KCNQ1OT1: variants seen among roughly 807,000 people sequenced by gnomAD.
KCNQ1OT1 encodes KCNQ1 opposite strand/antisense transcript 1.
At position 2,695,966 on chromosome 11, in the gene KCNQ1OT1, T is replaced by G. The variant is rs983323870; in HGVS notation, n.4029A>C. On this transcript the variant is annotated non_coding_transcript_exon_variant, in exon 1 of 1. Transcript: ENST00000597346. The surrounding 1 kb of genome is among the most constrained non-coding windows in gnomAD (Gnocchi z 5.2). Reference sequence around the variant, plus strand: ...GTTGTTCCCTCCTCAGCTTTAATTGTTTCAAATATCTTGTAATGAGTCATG... The same window carrying G: ...GTTGTTCCCTCCTCAGCTTTAATTGGTTCAAATATCTTGTAATGAGTCATG... The G allele has an allele frequency of 2.5e-6, 1 of 398,664 alleles. No homozygotes were observed. The highest frequency in any genetic ancestry group is 4.4e-6 in the Non-Finnish European group (1 of 226,072). The allele number at this position is 398,664 out of a possible 1,614,324, so 24.7% of individuals were successfully genotyped here. A position where few individuals can be genotyped will look rare whatever the true frequency, so the allele number is the denominator to read the frequency against.
rs1849885605 is a variant in KCNQ1OT1, at chr11:2,658,157, C to T, written n.41838G>A. ...TAAAACTACCACAGCAATTAAAATA[C>T]ATTTCAAGGAAGAAACTGTGAAGTT... is the stretch of plus-strand genomic sequence containing the variant. On this transcript the variant is annotated non_coding_transcript_exon_variant, in exon 1 of 1. Coordinates refer to ENST00000597346, the Ensembl canonical transcript of KCNQ1OT1. This position sits in a 1 kb window ranked among gnomAD's most constrained non-coding sequence, Gnocchi z 4.9. 4 of 398,468 alleles carry T rather than the reference C, an allele frequency of 1.0e-5. No homozygotes were observed. Among genetic ancestry groups the T allele is most frequent in the Non-Finnish European group, 1.8e-5 (4 of 226,044 alleles). The allele number at this position is 398,468 out of a possible 1,614,324, so 24.7% of individuals were successfully genotyped here.
Position 2,626,843 on chromosome 11 carries a change from A to C in KCNQ1OT1, n.73152T>G. 1 of 398,580 alleles carries C rather than the reference A, an allele frequency of 2.5e-6. No homozygotes were observed. Among genetic ancestry groups the C allele is most frequent in the Non-Finnish European group, 4.4e-6 (1 of 226,048 alleles). The allele number at this position is 398,580 out of a possible 1,614,324, so 24.7% of individuals were successfully genotyped here. A position where few individuals can be genotyped will look rare whatever the true frequency, so the allele number is the denominator to read the frequency against. ...GTACCTGGCCTGTAGTAAGTTTTCA[A>C]ATCAGAAAGTGTGAGTCCTCCAATG... On this transcript the variant is annotated non_coding_transcript_exon_variant, in exon 1 of 1. Coordinates refer to ENST00000597346, the Ensembl canonical transcript of KCNQ1OT1. The surrounding 1 kb of genome is among the most constrained non-coding windows in gnomAD (Gnocchi z 4.0).
exon 1 of KCNQ1OT1, chr11:2,697,553 T>G (rs1030811495): frequency 5.0e-5 from 20 of 398,526 alleles, no homozygotes; most frequent in Middle Eastern, 1.2e-3. Context: ...TGCTAAGTGG[T>G]GTACTCCACT....
At chr11:2,640,324 C>T (rs1437016820) in exon 1 of KCNQ1OT1, 2 of 398,302 alleles carry the variant, frequency 5.0e-6, no homozygotes, top group Admixed American at 4.4e-5. Flanking sequence ...TAGACTGGAG[C>T]TCCTCCTATT....
At position 2,653,799 on chromosome 11, in the gene KCNQ1OT1, G is replaced by A. The variant is rs1330451229; in HGVS notation, n.46196C>T. ...TCCTTGGACCTGCAGCTGTACCTCC[G>A]ATGGCTGAGGCAAGGTCCACAGGGA... On this transcript the variant is annotated non_coding_transcript_exon_variant, in exon 1 of 1. Transcript: ENST00000597346. The surrounding 1 kb of genome is among the most constrained non-coding windows in gnomAD (Gnocchi z 5.3). The A allele has an allele frequency of 1.5e-5, 6 of 398,498 alleles. No homozygotes were observed. Among genetic ancestry groups the A allele is most frequent in the East Asian group, 7.1e-5 (2 of 28,078 alleles). The allele number at this position is 398,498 out of a possible 1,614,324, so 24.7% of individuals were successfully genotyped here.
At position 2,613,744 on chromosome 11, in the gene KCNQ1OT1, A is replaced by G; in HGVS notation, n.86251T>C. The G allele has an allele frequency of 2.5e-6, 1 of 398,510 alleles. No individual in the cohort carries two copies. The highest frequency in any genetic ancestry group is 4.4e-6 in the Non-Finnish European group (1 of 226,030). 24.7% of individuals were successfully genotyped at this position (398,510 alleles called of 1,614,324 possible). A position where few individuals can be genotyped will look rare whatever the true frequency, so the allele number is the denominator to read the frequency against. On this transcript the variant is annotated non_coding_transcript_exon_variant, in exon 1 of 1. Transcript: ENST00000597346. This position sits in a 1 kb window ranked among gnomAD's most constrained non-coding sequence, Gnocchi z 4.8. The stretch of plus-strand genomic sequence containing the variant: ...TAACATACTTCCAAAAGTCAATACT[A>G]AACAAAAGGAGCTACTGAGAGAAAT...
exon 1 of KCNQ1OT1, chr11:2,693,269 C>T (rs1394634617): frequency 2.5e-6 from 1 of 398,634 alleles, no homozygotes; most frequent in Non-Finnish European, 4.4e-6. Context: ...GGCTTAACAA[C>T]TCAGATGCAC....
At position 2,679,956 on chromosome 11, in the gene KCNQ1OT1, C is replaced by G; in HGVS notation, n.20039G>C. 2.5e-6 allele frequency: 1 copy of G among 397,252 alleles called. No homozygotes were observed. The highest frequency in any genetic ancestry group is 4.4e-6 in the Non-Finnish European group (1 of 225,892). The allele number at this position is 397,252 out of a possible 1,614,324, so 24.6% of individuals were successfully genotyped here. ...TCACCTAGGCGGGAATGCAGTGGCA[C>G]AGTCTCGGCTTACTGCAACCTCTAC... On this transcript the variant is annotated non_coding_transcript_exon_variant, in exon 1 of 1. Transcript: ENST00000597346. This position sits in a 1 kb window ranked among gnomAD's most constrained non-coding sequence, Gnocchi z 4.8.
rs143192030 is a variant in KCNQ1OT1 at position 2,624,921 on chromosome 11, AT to A, written n.75073del. 2.5e-5 allele frequency: 10 copies of A among 398,048 alleles called. No homozygotes were observed. Among genetic ancestry groups the A allele is most frequent in the South Asian group, 1.3e-4 (1 of 7,832 alleles). 24.7% of individuals were successfully genotyped at this position (398,048 alleles called of 1,614,324 possible). ...TGTTGTGGCATGTGTCAAAATTTCTATTTTTTTTAAAGCTGAATAATATTAC... is the reference window on the plus strand; with the variant it reads ...TGTTGTGGCATGTGTCAAAATTTCTATTTTTTTAAAGCTGAATAATATTAC... On this transcript the variant is annotated non_coding_transcript_exon_variant, in exon 1 of 1. Transcript: ENST00000597346. This position sits in a 1 kb window ranked among gnomAD's most constrained non-coding sequence, Gnocchi z 4.9.
exon 1 of KCNQ1OT1, chr11:2,632,196 A>AAC: frequency 2.5e-6 from 1 of 397,940 alleles, no homozygotes; most frequent in African/African-American, 2.1e-5. Context: ...AAAAAAAAAA[A>AAC]AAAAAAAGAA....
At chr11:2,675,205 C>T (rs1850270837) in exon 1 of KCNQ1OT1, 1 of 398,476 alleles carries the variant, frequency 2.5e-6, no homozygotes, top group Non-Finnish European at 4.4e-6. Flanking sequence ...AATATTGTGT[C>T]ATTTCCCCAG....
At chr11:2,675,842 C>T (rs1393996938) in exon 1 of KCNQ1OT1, 2 of 398,628 alleles carry the variant, frequency 5.0e-6, no homozygotes, top group African/African-American at 4.1e-5. Flanking sequence ...ACCGTGCATC[C>T]ACTGCCTGGC....
exon 1 of KCNQ1OT1, chr11:2,628,579 C>A (rs527344082): frequency 7.5e-6 from 3 of 398,214 alleles, no homozygotes; most frequent in African/African-American, 6.2e-5. Flanking sequence ...TATTTTCTCC[C>A]GCTACATGTG....
exon 1 of KCNQ1OT1, chr11:2,688,980 G>A (rs1303687912): frequency 2.5e-6 from 1 of 398,650 alleles, no homozygotes; most frequent in Non-Finnish European, 4.4e-6. Flanking sequence ...GGTCTGATCT[G>A]GAGAGCAGGG....
exon 1 of KCNQ1OT1, chr11:2,694,250 C>G (rs1333053835): frequency 3.3e-5 from 13 of 398,568 alleles, no homozygotes; most frequent in Non-Finnish European, 4.9e-5. Context: ...AAGCCAGGGC[C>G]TGCTGCCTTT....
exon 1 of KCNQ1OT1, chr11:2,640,012 C>T (rs773472696): frequency 3.5e-4 from 56 of 158,710 alleles, no homozygotes; most frequent in Non-Finnish European, 6.5e-4. Context: ...GAGCCAGGCG[C>T]GGGATATAAT....
In KCNQ1OT1 at chr11:2,617,590, T is replaced by G. The variant is rs149747738; in HGVS notation, n.82405A>C. On this transcript the variant is annotated non_coding_transcript_exon_variant, in exon 1 of 1. Transcript: ENST00000597346. This position sits in a 1 kb window ranked among gnomAD's most constrained non-coding sequence, Gnocchi z 4.6. Reference sequence around the variant, plus strand: ...TTGGGAATATACCTAGAAGAGGGATTAGTGGGTCAGATGATAGTATATTTT... The same window carrying G: ...TTGGGAATATACCTAGAAGAGGGATGAGTGGGTCAGATGATAGTATATTTT... The G allele has an allele frequency of 4.0e-5, 16 of 398,420 alleles. No individual in the cohort carries two copies. In the Admixed American group the frequency reaches 6.2e-4, roughly 15 times the overall value. 24.7% of individuals were successfully genotyped at this position (398,420 alleles called of 1,614,324 possible).
At chr11:2,696,373 T>A (rs916676115) in exon 1 of KCNQ1OT1, 2 of 398,540 alleles carry the variant, frequency 5.0e-6, no homozygotes, top group Non-Finnish European at 8.8e-6. Context: ...CCCACTGATA[T>A]GTGGTGCCAC....
In KCNQ1OT1 at chr11:2,654,929, A is replaced by G. The variant is rs1321493851; in HGVS notation, n.45066T>C. On this transcript the variant is annotated non_coding_transcript_exon_variant, in exon 1 of 1. Transcript: ENST00000597346. This position sits in a 1 kb window ranked among gnomAD's most constrained non-coding sequence, Gnocchi z 6.4. ...TCGTGGGCCAGAGAGCAAGGCACAG[A>G]TACAGGAGACTTCCACAAATTATTG... The G allele has an allele frequency of 5.0e-6, 2 of 398,524 alleles. No homozygotes were observed. Among genetic ancestry groups the G allele is most frequent in the Non-Finnish European group, 8.8e-6 (2 of 226,084 alleles). 24.7% of individuals were successfully genotyped at this position (398,524 alleles called of 1,614,324 possible). A position where few individuals can be genotyped will look rare whatever the true frequency, so the allele number is the denominator to read the frequency against.
Sources: gnomAD v4.1 joint callset for allele counts on GRCh38, gnomAD v4.1.1 for gene constraint, Gnocchi (gnomAD v3.1) non-coding constraint, MANE v1.5 for transcripts, NCBI Gene and HGNC (gene_info 2026-07-23, HGNC 2026-07-21) for gene names.